The following SVEP1 variants were observed in gnomAD, a reference collection of about 807,000 sequenced individuals.
SVEP1 encodes sushi, von Willebrand factor type A, EGF and pentraxin domain containing 1, also known as sushi, von Willebrand factor type A, EGF and pentraxin domain-containing protein 1.
A neutral mutation model predicts 367.3 loss-of-function variants in SVEP1; 164 were observed. That is an observed-to-expected ratio of 0.45 (90% CI 0.39 to 0.51). The LOEUF (loss-of-function observed/expected upper bound fraction) is 0.51. Among genes scored for constraint, SVEP1 ranks in the 20% least tolerant of loss-of-function variants. SVEP1 has a pLI of 0.00. For missense variants in SVEP1, 4,117 were observed against 4,425.3 expected, an observed-to-expected ratio of 0.93 and a Z score of 1.98; for synonymous variants, 1,666 against 1,611.6, an observed-to-expected ratio of 1.03 and a Z score of -0.81.
At chr9:110,395,669 A>C (rs1341016075) in intron 40 of SVEP1, among the ~76,000 whole-genome samples, 51 of 150,432 alleles carry the variant, frequency 3.4e-4, no homozygotes, top group East Asian at 1.2e-3. Flanking sequence ...TCTACCAAGC[A>C]AATGGAAAAC....
intron 3 of SVEP1, among the ~76,000 whole-genome samples, chr9:110,541,869 A>C (rs1046210533): frequency 7.1e-6 from 1 of 140,730 alleles, no homozygotes; most frequent in Non-Finnish European, 1.5e-5. Flanking sequence ...ATATACATAG[A>C]TATCTATATA....
In SVEP1 at chr9:110,387,536, T is replaced by C. The variant is rs1441016581; in HGVS notation, c.9887-78A>G. 9.4e-6 allele frequency: 13 copies of C among 1,387,700 alleles called. No homozygotes were observed. In the East Asian group the frequency reaches 2.2e-4, roughly 24 times the overall value. 86.0% of individuals were successfully genotyped at this position (1,387,700 alleles called of 1,614,324 possible). On this transcript the variant is annotated intron_variant, in intron 41 of 47. Coordinates refer to ENST00000374469, the MANE Select transcript of SVEP1 (RefSeq NM_153366.4). ...CTTCTTTTCCTATGATTGCCAAAGA[T>C]ATTTCATGGAATATATAAAATATTA...
chr9:110,570,725 C>T (rs1386616051), intron 1 of SVEP1, among the ~76,000 whole-genome samples: 2 of 151,972 alleles, frequency 1.3e-5, no homozygotes, highest in African/African-American at 4.8e-5. Context: ...AGGTGATCTG[C>T]CTGCTTTGGC....
At chr9:110,546,442 T>C (rs1261982432) in intron 2 of SVEP1, among the ~76,000 whole-genome samples, 151 bp from the exon 3 acceptor site, 5 of 152,212 alleles carry the variant, frequency 3.3e-5, no homozygotes, top group Non-Finnish European at 5.9e-5. Context: ...CAAATACGAA[T>C]GTGTGTTATT....
At chr9:110,514,374 G>A (rs1829768693) in intron 3 of SVEP1, among the ~76,000 whole-genome samples, 1 of 152,002 alleles carries the variant, frequency 6.6e-6, no homozygotes, top group Non-Finnish European at 1.5e-5. Context: ...TTAGCTGGGT[G>A]TGGTGGCGTG....
chr9:110,431,790 T>C (rs1233652197), intron 32 of SVEP1, 125 bp downstream of exon 32: 1 of 1,264,804 alleles, frequency 7.9e-7, no homozygotes, highest in Non-Finnish European at 1.1e-6. Flanking sequence ...CTTTATCTTA[T>C]CTGCCTACCT....
intron 3 of SVEP1, among the ~76,000 whole-genome samples, chr9:110,530,502 A>G (rs1270936888): frequency 6.6e-6 from 1 of 152,100 alleles, no homozygotes; most frequent in Non-Finnish European, 1.5e-5. Context: ...AAATTCATAA[A>G]TTGGTATTCT....
chr9:110,556,685 G>C (rs1830361528), intron 1 of SVEP1, among the ~76,000 whole-genome samples: 1 of 151,944 alleles, frequency 6.6e-6, no homozygotes. Flanking sequence ...GTTGGGGTTT[G>C]GCCATGTTGC....
At chr9:110,506,248 T>A (rs1446468638) in intron 5 of SVEP1, among the ~76,000 whole-genome samples, 14 of 152,164 alleles carry the variant, frequency 9.2e-5, no homozygotes. Flanking sequence ...TTCCAAGTCT[T>A]TGCTATCGTG....
chr9:110,579,255 C>G lies in SVEP1; in HGVS notation c.289G>C (p.Val97Leu), dbSNP rs1196660393. 3.8e-6 allele frequency: 6 copies of G among 1,571,140 alleles called. No individual in the cohort carries two copies. Among genetic ancestry groups the G allele is most frequent in the East Asian group, 2.4e-5 (1 of 42,302 alleles). Residue 97 changes from valine (V) to leucine (L), a missense_variant, in exon 1 of 48, where the codon GTC (valine) becomes CTC (leucine). Coordinates refer to ENST00000374469, the MANE Select transcript of SVEP1 (RefSeq NM_153366.4). The surrounding 1 kb of genome is among the most constrained non-coding windows in gnomAD (Gnocchi z 5.3). ...AACATGAGCTCGCTGCGGAAGTTGA[C>G]TTCGCCCACGCTGGACGAATCATCC... ...LVDDSSSVGE[V>L]NFRSELMFVR...
Position 110,407,154 on chromosome 9 carries a change from G to C in SVEP1, c.8446C>G (p.Gln2816Glu). 1 of 1,613,984 alleles carries C rather than the reference G, an allele frequency of 6.2e-7. No homozygotes were observed. The highest frequency in any genetic ancestry group is 8.5e-7 in the Non-Finnish European group (1 of 1,179,872). Residue 2816 changes from glutamine (Q) to glutamate (E), a missense_variant, in exon 38 of 48, where the codon CAG becomes GAG. Gln to Glu is a conservative substitution (Grantham distance 29). This residue lies in a region of SVEP1 where 1,765 missense variants were observed against 1,781.1 expected (regional missense o/e 0.99). Coordinates refer to ENST00000374469, the MANE Select transcript of SVEP1 (RefSeq NM_153366.4). ...VLNGTERRTC[Q>E]DDKNWDEDEP... is the part of the protein sequence containing the mutation. ...TCCTCATCCCAGTTTTTGTCATCCTGGCATGTTCTCCTCTCAGTGCCATTC... is the reference window on the plus strand; with the variant it reads ...TCCTCATCCCAGTTTTTGTCATCCTCGCATGTTCTCCTCTCAGTGCCATTC...
chr9:110,558,484 A>T (rs1387288318), intron 1 of SVEP1, among the ~76,000 whole-genome samples: 1 of 145,550 alleles, frequency 6.9e-6, no homozygotes, highest in Non-Finnish European at 1.5e-5. Flanking sequence ...ACTGCACTCC[A>T]GCCTGGGTGA....
chr9:110,461,503 G>C (rs1180008203), intron 18 of SVEP1, among the ~76,000 whole-genome samples: 1 of 152,156 alleles, frequency 6.6e-6, no homozygotes, highest in African/African-American at 2.4e-5. Context: ...GTACAGCAGA[G>C]ATAATTAGTA....
intron 18 of SVEP1, among the ~76,000 whole-genome samples, chr9:110,461,039 A>G (rs1396722612): frequency 1.3e-5 from 2 of 152,108 alleles, no homozygotes; most frequent in African/African-American, 4.8e-5. Flanking sequence ...AAATCTTATT[A>G]TTTTTAACCT....
chr9:110,475,296 T>C (rs146016929), intron 14 of SVEP1, among the ~76,000 whole-genome samples: 5 of 152,276 alleles, frequency 3.3e-5, no homozygotes, highest in Admixed American at 3.3e-4. Context: ...TACCATCTCA[T>C]AACCTTCTAA....
chr9:110,406,547 T>C lies in SVEP1; in HGVS notation c.9053A>G (p.Asn3018Ser), dbSNP rs372185360. 5.0e-6 allele frequency: 8 copies of C among 1,613,564 alleles called. No individual in the cohort carries two copies. Among genetic ancestry groups the C allele is most frequent in the Non-Finnish European group, 6.8e-6 (8 of 1,179,790 alleles). ...STPVIEYGTV[N>S]GTDFDCGKAA... ...CTTTCCACAGTCAAAATCTGTCCCA[T>C]TGACAGTTCCATATTCAATTACTGG... Residue 3018 changes from asparagine to serine, a missense_variant, in exon 38 of 48, where the codon AAT becomes AGT. Physicochemically the swap from Asn to Ser is conservative, Grantham distance 46 (BLOSUM62 1). Coordinates refer to ENST00000374469, the MANE Select transcript of SVEP1 (RefSeq NM_153366.4).
At position 110,466,007 on chromosome 9, in the gene SVEP1, G is replaced by C; in HGVS notation, c.3180C>G (p.Thr1060=). 6.2e-7 allele frequency: 1 copy of C among 1,613,358 alleles called. No individual in the cohort carries two copies. Among genetic ancestry groups the C allele is most frequent in the South Asian group, 1.1e-5 (1 of 90,946 alleles). The change falls in exon 18 of 48, where the codon ACC becomes ACG. Residue 1060 remains threonine, a synonymous_variant. Coordinates refer to ENST00000374469, the MANE Select transcript of SVEP1 (RefSeq NM_153366.4). The part of the protein sequence containing the change: ...SDCKAQCKQG[T]YSYSGLETCE... ...AAGTCTCAAGTCCACTGTATGAGTA[G>C]GTGCCTTGTTTACACTGAGCTGAAA...
chr9:110,386,524 C>T (rs937086515), intron 42 of SVEP1, among the ~76,000 whole-genome samples: 2 of 152,170 alleles, frequency 1.3e-5, no homozygotes, highest in African/African-American at 2.4e-5. Flanking sequence ...AACCAGGAAA[C>T]CATCAGACAT....
intron 40 of SVEP1, among the ~76,000 whole-genome samples, chr9:110,398,807 A>G (rs1161971258): frequency 6.6e-6 from 1 of 152,206 alleles, no homozygotes; most frequent in Non-Finnish European, 1.5e-5. Context: ...GCCATCTCAC[A>G]CCAGTTAGAA....
Sources: gnomAD v4.1 joint callset for allele counts (sites outside exome capture counted in the v4.1 genomes callset) on GRCh38, gnomAD v4.1.1 for gene constraint, gnomAD v4.1.1 regional missense constraint, Gnocchi (gnomAD v3.1) non-coding constraint, MANE v1.5 for transcripts, NCBI Gene and HGNC (gene_info 2026-07-23, HGNC 2026-07-21) for gene names.